The following UBXN8 variants were observed in gnomAD, a reference collection of about 807,000 sequenced individuals.
UBXN8 encodes the protein UBX domain protein 8.
UBXN8 carries 27 observed loss-of-function variants against 32.1 expected under a neutral mutation model. That is an observed-to-expected ratio of 0.84 (90% CI 0.62 to 1.16). The LOEUF is 1.16. UBXN8 is among the 50% of genes most tolerant of loss of function. The pLI is 0.00. For missense variants in UBXN8, 306 were observed against 311.4 expected (o/e 0.98, Z 0.13); for synonymous variants, 109 against 111.8 (o/e 0.98, Z 0.16).
At chr8:30,737,637 G>A (rs1018326282) in intron 1 of UBXN8, among the ~76,000 whole-genome samples, 1 of 130,512 alleles carries the variant, frequency 7.7e-6, no homozygotes, top group Non-Finnish European at 1.7e-5. Flanking sequence ...GCAGTAAGCC[G>A]TGATCTCACC....
rs978168241 is a variant in UBXN8, at chr8:30,760,718, A to T, written c.529-170A>T. 2.0e-5 allele frequency among the ~76,000 whole-genome samples: 3 copies of T among 152,218 alleles called. No individual in the cohort carries two copies. The East Asian group carries it at 5.8e-4, about 29-fold the overall frequency. ...TTAATTTTTAGCACACTTGCCCAAAAATGTTTATTAATTGAACTATTTTCA... is the reference window on the plus strand; with the variant it reads ...TTAATTTTTAGCACACTTGCCCAAATATGTTTATTAATTGAACTATTTTCA... On this transcript the variant is annotated intron_variant, in intron 5 of 7. Transcript: ENST00000265616.
chr8:30,756,067 C>A, intron 4 of UBXN8: 2 of 151,744 alleles, frequency 1.3e-5, no homozygotes, highest in South Asian at 1.9e-4. Flanking sequence ...CTCTGTCGCC[C>A]AAGTTGGAGT....
At chr8:30,763,429 GATCACACTGTC>G (rs1364403755) in intron 7 of UBXN8, 82 bp downstream of exon 7, 2 of 1,321,676 alleles carry the variant, frequency 1.5e-6, no homozygotes, top group Non-Finnish European at 2.2e-6. Flanking sequence ...GGGAAGGTGT[GATCACACTGTC>G]ATCTGCATCT....
Position 30,744,398 on chromosome 8 carries a change from T to C in UBXN8, c.88+121T>C, listed in dbSNP as rs971183979. 6.4e-6 allele frequency: 6 copies of C among 936,992 alleles called. No individual in the cohort carries two copies. In the African/African-American group the frequency reaches 6.5e-5, roughly 10 times the overall value. 58.0% of individuals were successfully genotyped at this position (936,992 alleles called of 1,614,324 possible). ...GCAGCTTTGACTACAACTCCCAGAC[T>C]GCATCGCCCCTGCCCCCCCACTTCC... On this transcript the variant is annotated intron_variant, in intron 1 of 7. Coordinates refer to ENST00000265616, the MANE Select transcript of UBXN8 (RefSeq NM_005671.4).
At chr8:30,761,057 CT>C in intron 6 of UBXN8, 128 bp downstream of exon 6, 1 of 641,974 alleles carries the variant, frequency 1.6e-6, no homozygotes, top group East Asian at 3.1e-5. Context: ...TGTGATTATA[CT>C]GTAACTAGGT....
chr8:30,760,829 C>A, intron 5 of UBXN8, 59 bp from the exon 6 acceptor site: 1 of 1,128,810 alleles, frequency 8.9e-7, no homozygotes, highest in Non-Finnish European at 1.3e-6. Flanking sequence ...GAACTCTTCT[C>A]ATTGACACTT....
At chr8:30,745,403 G>C (rs1276409821) in intron 1 of UBXN8, among the ~76,000 whole-genome samples, 2 of 152,126 alleles carry the variant, frequency 1.3e-5, no homozygotes, top group African/African-American at 4.8e-5. Flanking sequence ...ATCATGAGTT[G>C]ATTTTTGGAC....
chr8:30,761,269 A>C (rs1372985026), intron 6 of UBXN8, among the ~76,000 whole-genome samples: 1 of 151,318 alleles, frequency 6.6e-6, no homozygotes, highest in Non-Finnish European at 1.5e-5. Flanking sequence ...TTTGAGATGA[A>C]GTCTTGCTCT....
intron 3 of UBXN8, among the ~76,000 whole-genome samples, chr8:30,753,771 C>CTTTTT (rs748807226): frequency 3.3e-5 from 4 of 122,608 alleles, no homozygotes; most frequent in African/African-American, 3.2e-5. Flanking sequence ...AGATATACCA[C>CTTTTT]TTTTTTTTTT....
chr8:30,755,605 A>C (rs1805636330), intron 4 of UBXN8, among the ~76,000 whole-genome samples: 1 of 151,746 alleles, frequency 6.6e-6, no homozygotes. Flanking sequence ...AAAAATTAAA[A>C]ATTAGCCAGA....
intron 4 of UBXN8, 89 bp from the exon 5 acceptor site, chr8:30,756,676 G>A (rs1805669145): frequency 6.4e-7 from 1 of 1,558,550 alleles, no homozygotes. Flanking sequence ...TGCCATCAGG[G>A]TAAAAAAAGG....
At position 30,753,070 on chromosome 8, in the gene UBXN8, G is replaced by T. The variant is rs1445954097; in HGVS notation, c.247G>T (p.Val83Leu). 2 of 1,528,898 alleles carry T rather than the reference G, an allele frequency of 1.3e-6. No individual in the cohort carries two copies. Among genetic ancestry groups the T allele is most frequent in the Non-Finnish European group, 1.8e-6 (2 of 1,139,036 alleles). 94.7% of individuals were successfully genotyped at this position (1,528,898 alleles called of 1,614,324 possible). ...AAAGAATGAGAAAAGACAAAAACTT[G>T]TGAGAAAAAAACAACAAGAAGCACA... Reference protein sequence around the residue: ...EEKNEKRQKLVRKKQQEAQGE... With the variant: ...EEKNEKRQKLLRKKQQEAQGE... Residue 83 changes from valine (V) to leucine (L), a missense_variant, in exon 3 of 8, where the codon GTG becomes TTG. Val to Leu is a conservative substitution (Grantham distance 32). Coordinates refer to ENST00000265616, the MANE Select transcript of UBXN8 (RefSeq NM_005671.4).
At chr8:30,753,755 T>C (rs1490774178) in intron 3 of UBXN8, among the ~76,000 whole-genome samples, 5 of 150,294 alleles carry the variant, frequency 3.3e-5, no homozygotes, top group Non-Finnish European at 7.4e-5. Flanking sequence ...TAATATTCCA[T>C]TGAATAGATA....
intron 5 of UBXN8, among the ~76,000 whole-genome samples, chr8:30,758,881 G>GTT (rs1563564566): frequency 1.6e-5 from 2 of 123,166 alleles, no homozygotes; most frequent in African/African-American, 6.2e-5. Flanking sequence ...TGTTTTTTTT[G>GTT]TTTGTTTTTT....
chr8:30,758,344 T>C (rs1805719070), intron 5 of UBXN8, among the ~76,000 whole-genome samples: 1 of 152,226 alleles, frequency 6.6e-6, no homozygotes, highest in African/African-American at 2.4e-5. Flanking sequence ...AGTGTATAAT[T>C]TTCCTTACTG....
intron 3 of UBXN8, chr8:30,754,454 T>C (rs1805593183): frequency 1.6e-6 from 1 of 639,576 alleles, no homozygotes; most frequent in Non-Finnish European, 2.9e-6. Context: ...GATACTGTCA[T>C]AATCAGGCAG....
chr8:30,756,621 A>AT, intron 4 of UBXN8, 144 bp from the exon 5 acceptor site: 1 of 1,216,030 alleles, frequency 8.2e-7, no homozygotes, highest in Non-Finnish European at 1.1e-6. Flanking sequence ...TAATGCTTTA[A>AT]TTTTTTGGGT....
chr8:30,758,954 C>T (rs1223947829), intron 5 of UBXN8, among the ~76,000 whole-genome samples: 10 of 130,474 alleles, frequency 7.7e-5, no homozygotes, highest in African/African-American at 2.3e-4. Flanking sequence ...AGTGCAGTGG[C>T]GTGATCTCGG....
chr8:30,737,744 C>T (rs138537722), intron 1 of UBXN8, among the ~76,000 whole-genome samples: 121 of 152,062 alleles, frequency 8.0e-4, no homozygotes, highest in East Asian at 4.7e-3. Flanking sequence ...GCTACTCAGG[C>T]GGCTGAGGTG....
Sources: allele counts gnomAD v4.1 joint callset (sites outside exome capture counted in the v4.1 genomes callset), GRCh38; gene constraint gnomAD v4.1.1; transcripts MANE v1.5; gene names NCBI Gene and HGNC (gene_info 2026-07-23, HGNC 2026-07-21).